VSNL1: variants seen among roughly 807,000 people sequenced by gnomAD.
VSNL1 encodes the protein visinin like 1.
VSNL1 carries 6 observed loss-of-function variants against 20.4 expected under a neutral mutation model. That is an observed-to-expected ratio of 0.29 (90% CI 0.16 to 0.58). The LOEUF is 0.58. Ranked by LOEUF, VSNL1 falls within the 20% of genes least tolerant of loss-of-function variation. The pLI, the probability that VSNL1 is intolerant of heterozygous loss-of-function variation, is 0.90. For synonymous variants in VSNL1, 93 were observed against 86.4 expected, an observed-to-expected ratio of 1.08 and a Z score of -0.42; for missense variants, 100 against 234.5, an observed-to-expected ratio of 0.43 and a Z score of 3.75.
chr2:17,632,534 C>T (rs1337498683), intron 2 of VSNL1, among the ~76,000 whole-genome samples: 3 of 152,092 alleles, frequency 2.0e-5, no homozygotes, highest in Admixed American at 1.3e-4. Flanking sequence ...CTTCTGACCT[C>T]GTGATCTGCC....
At chr2:17,598,940 G>A (rs771449346) in intron 2 of VSNL1, among the ~76,000 whole-genome samples, 2 of 152,222 alleles carry the variant, frequency 1.3e-5, no homozygotes, top group Admixed American at 6.5e-5. Context: ...ATGTTTGACT[G>A]ATTCATTTAT....
At chr2:17,652,518 C>T (rs954246173) in intron 3 of VSNL1, among the ~76,000 whole-genome samples, 5 of 152,116 alleles carry the variant, frequency 3.3e-5, no homozygotes, top group Non-Finnish European at 7.4e-5. Context: ...AATAGAGCAG[C>T]CCAGGAGAAT....
chr2:17,570,923 A>T (rs529849279), intron 1 of VSNL1, among the ~76,000 whole-genome samples: 1 of 152,132 alleles, frequency 6.6e-6, no homozygotes, highest in African/African-American at 2.4e-5. Flanking sequence ...AATCCTGGCT[A>T]TGTGGGAGGC....
At chr2:17,590,223 T>C (rs1664568443) in intron 1 of VSNL1, among the ~76,000 whole-genome samples, 1 of 152,204 alleles carries the variant, frequency 6.6e-6, no homozygotes, top group Non-Finnish European at 1.5e-5. Context: ...GGTGAGATTC[T>C]AGTTTAAGAA....
intron 3 of VSNL1, among the ~76,000 whole-genome samples, chr2:17,651,967 A>G (rs968674736): frequency 3.3e-5 from 5 of 152,196 alleles, no homozygotes; most frequent in African/African-American, 1.2e-4. Flanking sequence ...TTTTCGAGGC[A>G]GTTTTATAAT....
At chr2:17,592,485 C>A (rs1437346794) in intron 2 of VSNL1, among the ~76,000 whole-genome samples, 1 of 152,006 alleles carries the variant, frequency 6.6e-6, no homozygotes, top group East Asian at 1.9e-4. Flanking sequence ...GGAATGACAG[C>A]ATCTGGTGAA....
chr2:17,616,016 T>C lies in VSNL1; in HGVS notation c.162+23780T>C, dbSNP rs189645307. Reference sequence around the variant, plus strand: ...ATCCTCCCCTGCAGGGCTTGGGACTTGAACAAAAGCACAGTTGTTACAGAA... The same window carrying C: ...ATCCTCCCCTGCAGGGCTTGGGACTCGAACAAAAGCACAGTTGTTACAGAA... On this transcript the variant is annotated intron_variant, in intron 2 of 3. Transcript: ENST00000295156. Among the ~76,000 whole-genome samples the C allele has an allele frequency of 8.2e-3, 1,249 of 152,330 alleles. 9 individuals carry two copies. The highest frequency in any genetic ancestry group is 0.012 in the Non-Finnish European group (801 of 68,038).
chr2:17,563,778 T>C (rs866594803), intron 1 of VSNL1, among the ~76,000 whole-genome samples: 4 of 152,052 alleles, frequency 2.6e-5, no homozygotes, highest in Middle Eastern at 6.8e-3. Context: ...TAGATAATGA[T>C]CATGAATCTA....
At chr2:17,580,168 A>G (rs1664318466) in intron 1 of VSNL1, among the ~76,000 whole-genome samples, 1 of 152,208 alleles carries the variant, frequency 6.6e-6, no homozygotes, top group Admixed American at 6.5e-5. Context: ...CTCATATTCA[A>G]ATTCAAAAAA....
At chr2:17,559,823 GA>G (rs1267846811) in intron 1 of VSNL1, among the ~76,000 whole-genome samples, 1 of 151,684 alleles carries the variant, frequency 6.6e-6, no homozygotes, top group Admixed American at 6.6e-5. Context: ...ATCTATCCCT[GA>G]AAAACACTAT....
chr2:17,616,359 C>T (rs986482995), intron 2 of VSNL1, among the ~76,000 whole-genome samples: 3 of 152,360 alleles, frequency 2.0e-5, no homozygotes, highest in Middle Eastern at 6.8e-3. Flanking sequence ...TGGCTCCTGT[C>T]GGGCTCTCAT....
Position 17,655,584 on chromosome 2 carries a change from A to G in VSNL1, c.*190A>G, listed in dbSNP as rs2103436156. On this transcript the variant is annotated 3_prime_UTR_variant, in exon 4 of 4. Transcript: ENST00000295156. The surrounding 1 kb of genome is among the most constrained non-coding windows in gnomAD (Gnocchi z 5.2). ...GCATGAGAATGTCATTTGCTAATGA[A>G]TTTTAAAAGCATATATAAAACAAAA... 1 of 575,118 alleles carries G rather than the reference A, an allele frequency of 1.7e-6. No individual in the cohort carries two copies. 35.6% of individuals were successfully genotyped at this position (575,118 alleles called of 1,614,324 possible).
At chr2:17,582,449 A>G (rs1187243728) in intron 1 of VSNL1, among the ~76,000 whole-genome samples, 2 of 152,180 alleles carry the variant, frequency 1.3e-5, no homozygotes, top group East Asian at 3.9e-4. Flanking sequence ...TAGATGGAGA[A>G]GCAAGTTAGG....
intron 1 of VSNL1, among the ~76,000 whole-genome samples, chr2:17,590,362 C>T (rs1489514696): frequency 6.6e-6 from 1 of 152,126 alleles, no homozygotes; most frequent in Non-Finnish European, 1.5e-5. Flanking sequence ...AACCTGACAC[C>T]TGAGTACCCA....
intron 1 of VSNL1, among the ~76,000 whole-genome samples, chr2:17,544,758 C>T (rs543005066): frequency 6.6e-6 from 1 of 152,256 alleles, no homozygotes; most frequent in Non-Finnish European, 1.5e-5. Flanking sequence ...TAGGAAGGCT[C>T]TCTCCACAGA....
At chr2:17,552,066 G>A (rs1663552930) in intron 1 of VSNL1, among the ~76,000 whole-genome samples, 1 of 151,708 alleles carries the variant, frequency 6.6e-6, no homozygotes, top group Admixed American at 6.6e-5. Context: ...AGGGCGTGGT[G>A]GCGGGTGCCT....
At chr2:17,613,370 T>A (rs1295510243) in intron 2 of VSNL1, among the ~76,000 whole-genome samples, 1 of 152,076 alleles carries the variant, frequency 6.6e-6, no homozygotes, top group Non-Finnish European at 1.5e-5. Flanking sequence ...CCTGGAAAAA[T>A]ATTTGATGAA....
intron 1 of VSNL1, among the ~76,000 whole-genome samples, chr2:17,552,725 AT>A (rs1167010594): frequency 3.9e-5 from 6 of 152,062 alleles, no homozygotes; most frequent in South Asian, 2.1e-4. Flanking sequence ...TCTCCTAAGT[AT>A]TTTTTTTAAT....
intron 2 of VSNL1, among the ~76,000 whole-genome samples, chr2:17,628,084 G>GA (rs1269746921): frequency 1.3e-5 from 2 of 152,174 alleles, no homozygotes; most frequent in African/African-American, 2.4e-5. Context: ...CACATGGCCA[G>GA]AAAAAATAAC....
Sources: gnomAD v4.1 joint callset for allele counts (sites outside exome capture counted in the v4.1 genomes callset) on GRCh38, gnomAD v4.1.1 for gene constraint, Gnocchi (gnomAD v3.1) non-coding constraint, MANE v1.5 for transcripts, NCBI Gene and HGNC (gene_info 2026-07-23, HGNC 2026-07-21) for gene names.